Variants in CADM2 observed in about 807,000 individuals in gnomAD.
CADM2 encodes the protein immunoglobulin superfamily member 4D.
CADM2 carries 12 observed loss-of-function variants against 49.8 expected under a neutral mutation model. The ratio of observed to expected loss-of-function variants is 0.24; its 90% confidence interval spans 0.15 to 0.39. The LOEUF (loss-of-function observed/expected upper bound fraction) is 0.39, where lower values mean the gene tolerates loss of function less well. CADM2 is among the 10% of genes least tolerant of loss of function. CADM2 has a pLI of 1.00. For missense variants in CADM2, 378 were observed against 492.3 expected (o/e 0.77, Z 2.20); for synonymous variants, 214 against 175.4 (o/e 1.22, Z -1.74).
chr3:86,058,230 A>G (rs922040119), intron 8 of CADM2, among the ~76,000 whole-genome samples: 6 of 152,174 alleles, frequency 3.9e-5, no homozygotes, highest in African/African-American at 1.4e-4. Context: ...AATGGTTCAC[A>G]GTTTTCACAT....
At chr3:85,536,439 T>G (rs1287950475) in intron 1 of CADM2, among the ~76,000 whole-genome samples, 1 of 150,588 alleles carries the variant, frequency 6.6e-6, no homozygotes, top group African/African-American at 2.4e-5. Context: ...TTTAAATTTT[T>G]GGTACTATTA....
chr3:85,664,783 C>T (rs1311906264), intron 1 of CADM2, among the ~76,000 whole-genome samples: 1 of 151,974 alleles, frequency 6.6e-6, no homozygotes, highest in Non-Finnish European at 1.5e-5. Flanking sequence ...ATCCCATCTG[C>T]AGGAATACCT....
chr3:85,762,917 T>C (rs1325532899), intron 2 of CADM2, among the ~76,000 whole-genome samples: 1 of 151,810 alleles, frequency 6.6e-6, no homozygotes, highest in East Asian at 1.9e-4. Flanking sequence ...TTTAACTGTA[T>C]ATACCATTTT....
chr3:85,704,295 A>G (rs2066870106), intron 1 of CADM2, among the ~76,000 whole-genome samples: 1 of 152,240 alleles, frequency 6.6e-6, no homozygotes, highest in African/African-American at 2.4e-5. Flanking sequence ...TTTCTATGCA[A>G]GACGATAAAT....
intron 8 of CADM2, among the ~76,000 whole-genome samples, chr3:85,989,942 G>T (rs1171875674): frequency 1.5e-5 from 2 of 129,806 alleles, no homozygotes; most frequent in Non-Finnish European, 3.1e-5. Flanking sequence ...GACCCGGGAA[G>T]GGGAGGTTAC....
At chr3:85,768,001 C>G (rs1425117884) in intron 2 of CADM2, among the ~76,000 whole-genome samples, 1 of 152,014 alleles carries the variant, frequency 6.6e-6, no homozygotes, top group Non-Finnish European at 1.5e-5. Context: ...TTGATTATAA[C>G]TGATTATTGT....
At chr3:85,944,530 C>T (rs542628827) in intron 7 of CADM2, among the ~76,000 whole-genome samples, 1 of 152,168 alleles carries the variant, frequency 6.6e-6, no homozygotes, top group Non-Finnish European at 1.5e-5. Context: ...AAGTAAAGCA[C>T]TCCTCAGCAA....
intron 3 of CADM2, among the ~76,000 whole-genome samples, chr3:85,833,928 G>T (rs573927211): frequency 6.6e-6 from 1 of 151,482 alleles, no homozygotes; most frequent in Non-Finnish European, 1.5e-5. Flanking sequence ...AGATTGCATT[G>T]AATCTGTAGA....
intron 1 of CADM2, among the ~76,000 whole-genome samples, chr3:85,433,121 A>G (rs1311315758): frequency 7.3e-6 from 1 of 136,974 alleles, no homozygotes; most frequent in Admixed American, 8.2e-5. Flanking sequence ...AGAAAAACAT[A>G]CATTTATTTC....
intron 1 of CADM2, among the ~76,000 whole-genome samples, chr3:85,359,658 ATATATATAT>A (rs1244966980): frequency 5.7e-5 from 1 of 17,460 alleles, no homozygotes; most frequent in African/African-American, 1.2e-4. Flanking sequence ...ATATATATAT[ATATATATAT>A]TTTTTTTTTT....
chr3:86,021,951 T>C (rs772192590), intron 8 of CADM2, among the ~76,000 whole-genome samples: 4 of 152,120 alleles, frequency 2.6e-5, no homozygotes, highest in Non-Finnish European at 4.4e-5. Context: ...GTATATGGGA[T>C]TCATGCTAAA....
At chr3:85,306,558 T>G (rs1392410544) in intron 1 of CADM2, among the ~76,000 whole-genome samples, 1 of 151,742 alleles carries the variant, frequency 6.6e-6, no homozygotes, top group Non-Finnish European at 1.5e-5. Flanking sequence ...CTTTAAGATG[T>G]GATGAAACTC....
intron 8 of CADM2, among the ~76,000 whole-genome samples, chr3:86,053,436 G>C (rs575911455): frequency 6.6e-6 from 1 of 152,240 alleles, no homozygotes; most frequent in East Asian, 1.9e-4. Context: ...AAGAAACCCA[G>C]TGATGTTTGG....
intron 1 of CADM2, among the ~76,000 whole-genome samples, chr3:85,048,194 T>C (rs9878472): frequency 0.37 from 56,089 of 152,060 alleles, 13,474 homozygotes; most frequent in Non-Finnish European, 0.54. Flanking sequence ...CATTATGTTA[T>C]AGATAGTAGG....
intron 1 of CADM2, among the ~76,000 whole-genome samples, chr3:85,062,691 T>A (rs547533932): frequency 6.6e-6 from 1 of 152,068 alleles, no homozygotes; most frequent in South Asian, 2.1e-4. Flanking sequence ...AAAGTATAAA[T>A]ATGACAATTT....
At chr3:86,049,279 TTA>T (rs1366431356) in intron 8 of CADM2, among the ~76,000 whole-genome samples, 1 of 149,902 alleles carries the variant, frequency 6.7e-6, no homozygotes. Flanking sequence ...TTTTTATTTT[TTA>T]TTTTTTTTTT....
intron 1 of CADM2, among the ~76,000 whole-genome samples, chr3:85,123,415 T>C (rs1233362638): frequency 6.6e-6 from 1 of 152,182 alleles, no homozygotes; most frequent in Non-Finnish European, 1.5e-5. Context: ...TTTTTTGGTG[T>C]AGGCTGTGTT....
intron 3 of CADM2, among the ~76,000 whole-genome samples, chr3:85,812,373 T>G (rs1231756985): frequency 6.6e-6 from 1 of 152,054 alleles, no homozygotes; most frequent in African/African-American, 2.4e-5. Flanking sequence ...AACTGAACTA[T>G]GTACCATTTG....
At chr3:85,010,550 A>G (rs894789098) in intron 1 of CADM2, among the ~76,000 whole-genome samples, 1 of 152,168 alleles carries the variant, frequency 6.6e-6, no homozygotes, top group African/African-American at 2.4e-5. Context: ...CCTGATTCCA[A>G]GCACTTAGAA....
Sources: gnomAD v4.1 joint callset for allele counts (sites outside exome capture counted in the v4.1 genomes callset) on GRCh38, gnomAD v4.1.1 for gene constraint, MANE v1.5 for transcripts, NCBI Gene and HGNC (gene_info 2026-07-23, HGNC 2026-07-21) for gene names.